Variants in ADGRV1 observed in about 807,000 individuals in gnomAD.
The protein encoded by ADGRV1 is adhesion G protein-coupled receptor V1, also known as G-protein coupled receptor 98.
ADGRV1 carries 359 observed loss-of-function variants against 596.2 expected under a neutral mutation model. That is an observed-to-expected ratio of 0.60 (90% confidence interval 0.55 to 0.66). The LOEUF (loss-of-function observed/expected upper bound fraction) is 0.66, where lower values mean the gene tolerates loss of function less well. Among genes scored for constraint, ADGRV1 ranks in the 30% least tolerant of loss-of-function variants. The pLI, the probability that ADGRV1 is intolerant of heterozygous loss-of-function variation, is 0.00. For missense variants in ADGRV1, 7,274 were observed against 7,575.6 expected (o/e 0.96, Z 1.48); for synonymous variants, 2,681 against 2,679.2 (o/e 1.00, Z -0.02).
At chr5:90,562,132 T>G (rs1213055007) in intron 1 of ADGRV1, among the ~76,000 whole-genome samples, 1 of 152,178 alleles carries the variant, frequency 6.6e-6, no homozygotes, top group Non-Finnish European at 1.5e-5. Context: ...TGAAACCATT[T>G]ACAGTAAAGT....
At chr5:90,957,057 A>C (rs1777545038) in intron 83 of ADGRV1, among the ~76,000 whole-genome samples, 1 of 152,186 alleles carries the variant, frequency 6.6e-6, no homozygotes, top group African/African-American at 2.4e-5. Context: ...GTAATGAAGA[A>C]AAGATACAGA....
At chr5:90,930,240 C>T (rs1292911156) in intron 83 of ADGRV1, among the ~76,000 whole-genome samples, 1 of 152,148 alleles carries the variant, frequency 6.6e-6, no homozygotes, top group African/African-American at 2.4e-5. Flanking sequence ...TTATTAGAAA[C>T]ATCGATGCCA....
chr5:90,592,073 AAAAG>A (rs1759573241), intron 1 of ADGRV1, among the ~76,000 whole-genome samples: 1 of 152,238 alleles, frequency 6.6e-6, no homozygotes, highest in Non-Finnish European at 1.5e-5. Flanking sequence ...GAGATTCCTT[AAAAG>A]TAGATCTGCC....
chr5:90,604,491 A>G (rs938136492), intron 1 of ADGRV1, among the ~76,000 whole-genome samples: 4 of 152,216 alleles, frequency 2.6e-5, no homozygotes, highest in Non-Finnish European at 4.4e-5. Context: ...AGAGCTAATT[A>G]AAGTTGTTTT....
At chr5:90,641,470 A>G (rs920439914) in intron 11 of ADGRV1, among the ~76,000 whole-genome samples, 1 of 152,158 alleles carries the variant, frequency 6.6e-6, no homozygotes, top group African/African-American at 2.4e-5. Flanking sequence ...TTTCTTTCCT[A>G]GCTTATGTGG....
chr5:90,679,976 A>C (rs1037375058), intron 26 of ADGRV1, among the ~76,000 whole-genome samples: 1 of 152,252 alleles, frequency 6.6e-6, no homozygotes, highest in Non-Finnish European at 1.5e-5. Context: ...CTTTGAATAC[A>C]TAAAAAGAGG....
At position 90,853,448 on chromosome 5, in the gene ADGRV1, G is replaced by A; in HGVS notation, c.17369G>A (p.Ser5790Asn). The change falls in exon 80 of 90, where the codon AGT becomes AAT. Residue 5790 changes from serine to asparagine, a missense_variant. Physicochemically the swap from Ser to Asn is conservative, Grantham distance 46 (BLOSUM62 1). Transcript: ENST00000405460. ...GATGCAGAAATAATGGCTGGGAAAA[G>A]TACATGTAAATTAGTCCAGTTTACA... is the stretch of plus-strand genomic sequence containing the variant. ...VQDAEIMAGKSTCKLVQFTEY... is the reference protein window; with the variant it reads ...VQDAEIMAGKNTCKLVQFTEY... The A allele has an allele frequency of 6.2e-7, 1 of 1,613,340 alleles. No homozygotes were observed. The highest frequency in any genetic ancestry group is 8.5e-7 in the Non-Finnish European group (1 of 1,179,484).
intron 85 of ADGRV1, among the ~76,000 whole-genome samples, chr5:90,996,174 G>C (rs1781396497): frequency 6.6e-6 from 1 of 152,098 alleles, no homozygotes; most frequent in Non-Finnish European, 1.5e-5. Context: ...TGGGGAAAAT[G>C]CCTCCTAGGC....
At chr5:90,612,715 C>T (rs1184333898) in intron 1 of ADGRV1, among the ~76,000 whole-genome samples, 4 of 151,892 alleles carry the variant, frequency 2.6e-5, no homozygotes, top group South Asian at 2.1e-4. Context: ...GTTTTTCTTC[C>T]GAATGCACAA....
chr5:90,764,429 A>C (rs1167078884), intron 59 of ADGRV1, among the ~76,000 whole-genome samples: 1 of 152,192 alleles, frequency 6.6e-6, no homozygotes, highest in Non-Finnish European at 1.5e-5. Flanking sequence ...TGAAAAAAGC[A>C]CACACAAAAA....
At chr5:90,687,342 T>G (rs1455385356) in intron 29 of ADGRV1, among the ~76,000 whole-genome samples, 3 of 152,196 alleles carry the variant, frequency 2.0e-5, no homozygotes, top group African/African-American at 4.8e-5. Context: ...TTTATGGTTT[T>G]AGGTCTAACG....
At chr5:90,688,180 A>G (rs924482867) in intron 29 of ADGRV1, among the ~76,000 whole-genome samples, 7 of 152,188 alleles carry the variant, frequency 4.6e-5, no homozygotes, top group African/African-American at 1.4e-4. Context: ...ACAGCATGGT[A>G]CTGGTACCAA....
At position 90,890,081 on chromosome 5, in the gene ADGRV1, G is replaced by T. The variant is rs184850597; in HGVS notation, c.17856+26224G>T. ...TCCTTAACCCCAAGGAGGGAAAAAA[G>T]GAATCCCTTTCTTTGTTTGATTCCA... On this transcript the variant is annotated intron_variant, in intron 83 of 89. Coordinates refer to ENST00000405460, the MANE Select transcript of ADGRV1 (RefSeq NM_032119.4). Among the ~76,000 whole-genome samples the T allele has an allele frequency of 9.5e-4, 145 of 152,122 alleles. 2 individuals carry two copies. Among genetic ancestry groups the T allele is most frequent in the Non-Finnish European group, 4.4e-4 (30 of 67,968 alleles).
At chr5:90,842,005 A>T (rs1173049528) in intron 78 of ADGRV1, among the ~76,000 whole-genome samples, 1 of 152,208 alleles carries the variant, frequency 6.6e-6, no homozygotes, top group East Asian at 1.9e-4. Flanking sequence ...TTATTACTTG[A>T]ATTTTCTAAT....
At chr5:91,060,200 G>A (rs1037134541) in intron 85 of ADGRV1, among the ~76,000 whole-genome samples, 11 of 151,860 alleles carry the variant, frequency 7.2e-5, no homozygotes, top group African/African-American at 1.7e-4. Context: ...GCTGGGGGGC[G>A]GGGCAGCAGT....
At chr5:90,771,573 G>A (rs1234838848) in intron 59 of ADGRV1, among the ~76,000 whole-genome samples, 1 of 151,850 alleles carries the variant, frequency 6.6e-6, no homozygotes, top group Non-Finnish European at 1.5e-5. Flanking sequence ...CTACATCATA[G>A]GATAAAAATT....
intron 1 of ADGRV1, among the ~76,000 whole-genome samples, chr5:90,591,003 A>G (rs1427157482): frequency 1.3e-5 from 2 of 152,190 alleles, no homozygotes; most frequent in African/African-American, 2.4e-5. Context: ...TTTATGGGTT[A>G]CATGAGATTT....
At chr5:90,688,169 A>G (rs533729420) in intron 29 of ADGRV1, among the ~76,000 whole-genome samples, 2,104 of 152,218 alleles carry the variant, frequency 0.014, 16 homozygotes, top group South Asian at 0.021. Flanking sequence ...CAGTAACCAA[A>G]ACAGCATGGT....
At chr5:90,729,870 A>AC (rs1752313146) in intron 50 of ADGRV1, 106 bp downstream of exon 50, 1 of 807,216 alleles carries the variant, frequency 1.2e-6, no homozygotes, top group African/African-American at 1.8e-5. Context: ...GACACTGGGT[A>AC]TTTTTTTTTT....
Sources: gnomAD v4.1 joint callset for allele counts (sites outside exome capture counted in the v4.1 genomes callset) on GRCh38, gnomAD v4.1.1 for gene constraint, MANE v1.5 for transcripts, NCBI Gene and HGNC (gene_info 2026-07-23, HGNC 2026-07-21) for gene names.